CDH7: variants seen among roughly 807,000 people sequenced by gnomAD.
CDH7 encodes cadherin 7, also known as cadherin-7.
Under a neutral mutation model 71.8 loss-of-function variants are expected in CDH7, and 25 were observed. The observed-to-expected ratio is 0.35, with a 90% CI of 0.25 to 0.49. The LOEUF is 0.49. Among genes scored for constraint, CDH7 ranks in the 20% least tolerant of loss-of-function variants. CDH7 has a pLI of 0.99. For missense variants in CDH7, 862 were observed against 974.6 expected (o/e 0.88, Z 1.54); for synonymous variants, 381 against 363.8 (o/e 1.05, Z -0.54).
intron 11 of CDH7, among the ~76,000 whole-genome samples, chr18:65,878,814 G>C (rs1914140601): frequency 6.6e-6 from 1 of 152,168 alleles, no homozygotes; most frequent in Non-Finnish European, 1.5e-5. Context: ...AATGCAGCAT[G>C]AGAAGGTGGC....
At chr18:65,874,830 C>T (rs542323810) in intron 11 of CDH7, among the ~76,000 whole-genome samples, 1 of 152,098 alleles carries the variant, frequency 6.6e-6, no homozygotes, top group Non-Finnish European at 1.5e-5. Context: ...CGGCAGAATT[C>T]TGCTATTTCT....
intron 7 of CDH7, among the ~76,000 whole-genome samples, chr18:65,847,664 C>A (rs1381937047): frequency 6.6e-6 from 1 of 152,082 alleles, no homozygotes; most frequent in Non-Finnish European, 1.5e-5. Flanking sequence ...AAGACTGGGG[C>A]ACCTATATGA....
At position 65,873,980 on chromosome 18, in the gene CDH7, C is replaced by A. The variant is rs541812966; in HGVS notation, c.1865-6421C>A. ...GCAAGTCCAGCAAGTCTACATATTT[C>A]TAGTCACATTTCCTTGCCTATAACT... On this transcript the variant is annotated intron_variant, in intron 11 of 11. Transcript: ENST00000397968. Among the ~76,000 whole-genome samples, 7 of 152,186 alleles carry A rather than the reference C, an allele frequency of 4.6e-5. No individual in the cohort carries two copies. The South Asian group carries it at 1.4e-3, about 32-fold the overall frequency.
chr18:65,771,696 A>C (rs1422115925), intron 2 of CDH7, among the ~76,000 whole-genome samples: 1 of 151,586 alleles, frequency 6.6e-6, no homozygotes, highest in African/African-American at 2.4e-5. Context: ...AAAAAACAGT[A>C]TTAGAAAAAT....
At chr18:65,857,099 A>G (rs1913387064) in intron 7 of CDH7, among the ~76,000 whole-genome samples, 1 of 151,678 alleles carries the variant, frequency 6.6e-6, no homozygotes, top group South Asian at 2.1e-4. Context: ...CAAATGGGCA[A>G]GATGTTTACA....
chr18:65,859,081 T>C, intron 9 of CDH7, 35 bp downstream of exon 9: 1 of 1,601,876 alleles, frequency 6.2e-7, no homozygotes, highest in Non-Finnish European at 8.5e-7. Flanking sequence ...TTCTAATTTG[T>C]GGTTTCTTAA....
intron 6 of CDH7, among the ~76,000 whole-genome samples, chr18:65,834,216 A>C (rs1329032743): frequency 6.6e-6 from 1 of 152,200 alleles, no homozygotes; most frequent in African/African-American, 2.4e-5. Context: ...GAATACTTGC[A>C]TTGTTCTTTG....
rs1386619858 is a variant in CDH7 at position 65,882,017 on chromosome 18, T to A, written c.*1123T>A. The A allele has an allele frequency of 1.6e-5, 2 of 127,320 alleles. No homozygotes were observed. The highest frequency in any genetic ancestry group is 3.3e-5 in the Non-Finnish European group (2 of 60,246). The allele number at this position is 127,320 out of a possible 1,614,324, so 7.9% of individuals were successfully genotyped here. The stretch of plus-strand genomic sequence containing the variant: ...TTGATGCAAGAATTATTTTTCAAGA[T>A]CATGAGTTCTACATGCTCCAAAGAC... On this transcript the variant is annotated 3_prime_UTR_variant, in exon 12 of 12. Coordinates refer to ENST00000397968, the MANE Select transcript of CDH7 (RefSeq NM_004361.5).
At chr18:65,822,493 C>T (rs1403962372) in intron 5 of CDH7, among the ~76,000 whole-genome samples, 1 of 151,870 alleles carries the variant, frequency 6.6e-6, no homozygotes, top group African/African-American at 2.4e-5. Flanking sequence ...TAAGATTTTT[C>T]TTTCATTCAC....
At chr18:65,771,030 A>G (rs1916527333) in intron 2 of CDH7, among the ~76,000 whole-genome samples, 3 of 152,232 alleles carry the variant, frequency 2.0e-5, no homozygotes, top group East Asian at 3.9e-4. Context: ...AGCCTTCTCC[A>G]TGTCCTCACA....
At chr18:65,840,786 A>G (rs1424555345) in intron 6 of CDH7, among the ~76,000 whole-genome samples, 1 of 152,160 alleles carries the variant, frequency 6.6e-6, no homozygotes, top group Non-Finnish European at 1.5e-5. Context: ...GTATGTCTTT[A>G]TCAGCAGTGA....
chr18:65,763,075 A>G (rs1916248198), intron 2 of CDH7, 23 bp downstream of exon 2: 1 of 1,525,312 alleles, frequency 6.6e-7, no homozygotes, highest in African/African-American at 1.4e-5. Context: ...GACCTTTCAA[A>G]GTTGTAAATG....
chr18:65,862,024 T>C (rs1913582816), intron 10 of CDH7, among the ~76,000 whole-genome samples: 1 of 152,172 alleles, frequency 6.6e-6, no homozygotes, highest in Non-Finnish European at 1.5e-5. Context: ...ATAATTACTA[T>C]AATTGCTTAG....
chr18:65,768,083 T>G (rs939133216), intron 2 of CDH7, among the ~76,000 whole-genome samples: 1 of 152,322 alleles, frequency 6.6e-6, no homozygotes, highest in South Asian at 2.1e-4. Context: ...CCACATTTCC[T>G]GATTGTCTGT....
At chr18:65,826,760 A>T (rs1008426756) in intron 6 of CDH7, among the ~76,000 whole-genome samples, 4 of 151,478 alleles carry the variant, frequency 2.6e-5, no homozygotes, top group African/African-American at 9.7e-5. Context: ...AAATATCATT[A>T]AAAAAATCTC....
intron 1 of CDH7, among the ~76,000 whole-genome samples, chr18:65,751,762 A>T (rs1406720196): frequency 6.6e-6 from 1 of 152,162 alleles, no homozygotes; most frequent in Non-Finnish European, 1.5e-5. Context: ...CAGTACCTTA[A>T]GTGTGCGCTG....
At chr18:65,751,821 G>C (rs544779322) in intron 1 of CDH7, among the ~76,000 whole-genome samples, 1 of 152,292 alleles carries the variant, frequency 6.6e-6, no homozygotes, top group South Asian at 2.1e-4. Context: ...TTCTTCATGG[G>C]TGCACATGGT....
chr18:65,866,400 G>A, intron 11 of CDH7: 1 of 145,588 alleles, frequency 6.9e-6, no homozygotes, highest in Non-Finnish European at 1.5e-5. Context: ...AAAAAAAAAG[G>A]TACTTGACTA....
chr18:65,855,509 A>T (rs1434959601), intron 7 of CDH7, among the ~76,000 whole-genome samples: 1 of 111,890 alleles, frequency 8.9e-6, no homozygotes, highest in Non-Finnish European at 2.1e-5. Flanking sequence ...GAATAAACGG[A>T]TCAATTTTTC....
Sources: gnomAD v4.1 joint callset for allele counts (sites outside exome capture counted in the v4.1 genomes callset) on GRCh38, gnomAD v4.1.1 for gene constraint, MANE v1.5 for transcripts, NCBI Gene and HGNC (gene_info 2026-07-23, HGNC 2026-07-21) for gene names.